SLC20A2: variants seen among roughly 807,000 people sequenced by gnomAD.
SLC20A2 encodes solute carrier family 20 member 2.
Under a neutral mutation model 61.0 loss-of-function variants are expected in SLC20A2, and 30 were observed. That is an observed-to-expected ratio of 0.49 (90% CI 0.37 to 0.67). The LOEUF is 0.67. Ranked by LOEUF, SLC20A2 falls within the 30% of genes least tolerant of loss-of-function variation. SLC20A2 has a pLI of 0.00. For missense variants in SLC20A2, 626 were observed against 866.4 expected, an observed-to-expected ratio of 0.72 and a Z score of 3.48; for synonymous variants, 351 against 353.3, an observed-to-expected ratio of 0.99 and a Z score of 0.07.
intron 5 of SLC20A2, among the ~76,000 whole-genome samples, chr8:42,452,830 T>TCCACCA (rs1805854192): frequency 6.6e-6 from 1 of 152,034 alleles, no homozygotes; most frequent in Non-Finnish European, 1.5e-5. Context: ...AGTTGGGAAT[T>TCCACCA]CCTTTGCTGG....
At chr8:42,481,662 C>T (rs900997440) in intron 1 of SLC20A2, among the ~76,000 whole-genome samples, 2 of 152,118 alleles carry the variant, frequency 1.3e-5, no homozygotes, top group Non-Finnish European at 2.9e-5. Flanking sequence ...AGGAAGAGGC[C>T]GTTTAGCCTG....
At chr8:42,423,889 T>C (rs111507837) in intron 10 of SLC20A2, among the ~76,000 whole-genome samples, 4 of 152,300 alleles carry the variant, frequency 2.6e-5, no homozygotes, top group African/African-American at 9.6e-5. Flanking sequence ...CAGGTACTTA[T>C]AGCAAAAAAT....
At chr8:42,421,426 G>C (rs1803028554) in intron 10 of SLC20A2, among the ~76,000 whole-genome samples, 1 of 152,100 alleles carries the variant, frequency 6.6e-6, no homozygotes, top group Non-Finnish European at 1.5e-5. Context: ...TTTTCTAATT[G>C]GCTATTGCTG....
At chr8:42,451,808 GGAGGAGGAGAAGGAAGAGAT>G (rs1335068381) in intron 5 of SLC20A2, among the ~76,000 whole-genome samples, 4 of 141,844 alleles carry the variant, frequency 2.8e-5, no homozygotes, top group Admixed American at 7.1e-5. Flanking sequence ...AGGAAGAGAT[GGAGGAGGAGAAGGAAGAGAT>G]GAGGAGGAGA....
At chr8:42,534,950 AAT>A (rs1377112140) in intron 1 of SLC20A2, 2 of 152,196 alleles carry the variant, frequency 1.3e-5, no homozygotes, top group Non-Finnish European at 2.9e-5. Flanking sequence ...AAAATAACTT[AAT>A]ATTATACACA....
chr8:42,430,432 G>A (rs939410808), intron 8 of SLC20A2, among the ~76,000 whole-genome samples, 183 bp from the exon 9 acceptor site: 3 of 151,240 alleles, frequency 2.0e-5, no homozygotes, highest in Non-Finnish European at 4.4e-5. Context: ...GTGTGATCTC[G>A]GCTCACTGCA....
At chr8:42,440,823 T>A (rs984011594) in intron 6 of SLC20A2, among the ~76,000 whole-genome samples, 2 of 152,160 alleles carry the variant, frequency 1.3e-5, no homozygotes, top group African/African-American at 4.8e-5. Context: ...ATTTTTGAGA[T>A]GGAATCTCAC....
chr8:42,434,855 G>GGT (rs976429947), intron 8 of SLC20A2, among the ~76,000 whole-genome samples: 1 of 152,088 alleles, frequency 6.6e-6, no homozygotes, highest in Non-Finnish European at 1.5e-5. Flanking sequence ...AATGAAACAT[G>GGT]GTGTGTGTGT....
intron 1 of SLC20A2, among the ~76,000 whole-genome samples, chr8:42,473,197 T>G (rs764585620): frequency 3.3e-4 from 50 of 152,176 alleles, no homozygotes; most frequent in African/African-American, 1.2e-3. Flanking sequence ...GTCACTCATC[T>G]GGAGGGTGAC....
intron 1 of SLC20A2, among the ~76,000 whole-genome samples, chr8:42,481,994 A>G (rs1368470978): frequency 6.6e-6 from 1 of 152,218 alleles, no homozygotes; most frequent in East Asian, 1.9e-4. Flanking sequence ...AAGGCATTGC[A>G]TAAATCTACA....
At chr8:42,443,038 T>A (rs959117459) in intron 6 of SLC20A2, among the ~76,000 whole-genome samples, 2 of 151,856 alleles carry the variant, frequency 1.3e-5, no homozygotes, top group African/African-American at 4.8e-5. Context: ...GCCATATTCT[T>A]CTTCTTTTTA....
intron 1 of SLC20A2, among the ~76,000 whole-genome samples, chr8:42,474,546 C>T (rs958669047): frequency 6.6e-6 from 1 of 152,072 alleles, no homozygotes; most frequent in Non-Finnish European, 1.5e-5. Flanking sequence ...GACAGGCACA[C>T]TAAATCAATG....
At chr8:42,500,597 T>C (rs1810254530) in intron 1 of SLC20A2, among the ~76,000 whole-genome samples, 2 of 152,224 alleles carry the variant, frequency 1.3e-5, no homozygotes, top group African/African-American at 4.8e-5. Flanking sequence ...AAATTACATT[T>C]GACACTCCAT....
chr8:42,530,034 C>T (rs140142999), intron 1 of SLC20A2, among the ~76,000 whole-genome samples: 167 of 152,182 alleles, frequency 1.1e-3, no homozygotes, highest in African/African-American at 3.2e-3. Flanking sequence ...ATCCTCATAA[C>T]GCACAAAATC....
chr8:42,527,541 G>T (rs777528500), intron 1 of SLC20A2, among the ~76,000 whole-genome samples: 2 of 152,124 alleles, frequency 1.3e-5, no homozygotes, highest in Non-Finnish European at 2.9e-5. Context: ...ACTTTGGGGG[G>T]CTGAGGAGGG....
intron 1 of SLC20A2, among the ~76,000 whole-genome samples, chr8:42,540,508 G>A (rs555992048): frequency 6.6e-6 from 1 of 152,150 alleles, no homozygotes; most frequent in East Asian, 1.9e-4. Flanking sequence ...GTATGATTAT[G>A]TATATACAAT....
chr8:42,509,294 A>T (rs1810898889), intron 1 of SLC20A2, among the ~76,000 whole-genome samples: 1 of 152,176 alleles, frequency 6.6e-6, no homozygotes, highest in Non-Finnish European at 1.5e-5. Context: ...GTCCACAGAG[A>T]TCTAGAGCAC....
intron 5 of SLC20A2, among the ~76,000 whole-genome samples, chr8:42,447,975 C>A (rs959545665): frequency 1.3e-5 from 2 of 152,236 alleles, no homozygotes; most frequent in South Asian, 4.1e-4. Context: ...GCTTGTGCGA[C>A]CCCTTGGTTG....
intron 1 of SLC20A2, among the ~76,000 whole-genome samples, chr8:42,531,999 T>G (rs940343129): frequency 2.6e-5 from 4 of 151,528 alleles, no homozygotes; most frequent in South Asian, 2.1e-4. Flanking sequence ...TTTTTTTTTT[T>G]TGTATTTTTA....
Sources: allele counts gnomAD v4.1 joint callset (sites outside exome capture counted in the v4.1 genomes callset), GRCh38; gene constraint gnomAD v4.1.1; transcripts MANE v1.5; gene names NCBI Gene and HGNC (gene_info 2026-07-23, HGNC 2026-07-21).